The following TMPRSS12 variants were observed in gnomAD, a reference collection of about 807,000 sequenced individuals.
TMPRSS12 encodes transmembrane serine protease 12.
Under a neutral mutation model 26.0 loss-of-function variants are expected in TMPRSS12, and 25 were observed. That is an observed-to-expected ratio of 0.96 (90% CI 0.70 to 1.34). The LOEUF (loss-of-function observed/expected upper bound fraction) is 1.34. Ranked by LOEUF, TMPRSS12 falls within the 40% of genes most tolerant of loss-of-function variation. The pLI is 0.00. For missense variants in TMPRSS12, 441 were observed against 440.1 expected (o/e 1.00, Z -0.02); for synonymous variants, 150 against 161.7 (o/e 0.93, Z 0.55).
chr12:50,880,880 T>A (rs1938156466), intron 3 of TMPRSS12, among the ~76,000 whole-genome samples: 1 of 150,034 alleles, frequency 6.7e-6, no homozygotes, highest in African/African-American at 2.5e-5. Flanking sequence ...TGAAGGAAGC[T>A]ATATACAAAA....
At chr12:50,861,886 T>TG (rs1937939446) in intron 3 of TMPRSS12, among the ~76,000 whole-genome samples, 1 of 151,998 alleles carries the variant, frequency 6.6e-6, no homozygotes, top group South Asian at 2.1e-4. Context: ...CTCGGCTCAT[T>TG]GCAACCTTTG....
intron 3 of TMPRSS12, among the ~76,000 whole-genome samples, chr12:50,882,722 A>T (rs1249506580): frequency 1.3e-5 from 2 of 152,260 alleles, no homozygotes; most frequent in Non-Finnish European, 2.9e-5. Flanking sequence ...TGACCAAAGA[A>T]GAAATGGAAA....
intron 3 of TMPRSS12, among the ~76,000 whole-genome samples, chr12:50,884,441 G>A (rs1375221782): frequency 6.6e-6 from 1 of 152,150 alleles, no homozygotes; most frequent in Non-Finnish European, 1.5e-5. Context: ...CTATACACTA[G>A]CAGTAATTTT....
At chr12:50,881,939 C>G (rs1938167160) in intron 3 of TMPRSS12, among the ~76,000 whole-genome samples, 1 of 121,284 alleles carries the variant, frequency 8.2e-6, no homozygotes, top group African/African-American at 3.3e-5. Context: ...CCACTGCACT[C>G]CAGCCCAGGG....
intron 3 of TMPRSS12, among the ~76,000 whole-genome samples, chr12:50,873,710 C>T (rs995412649): frequency 5.3e-5 from 8 of 152,084 alleles, no homozygotes; most frequent in South Asian, 2.1e-4. Flanking sequence ...ACTGGGCAAG[C>T]GGATAAGTTT....
At chr12:50,872,483 G>A (rs1324960677) in intron 3 of TMPRSS12, among the ~76,000 whole-genome samples, 1 of 125,044 alleles carries the variant, frequency 8.0e-6, no homozygotes, top group Non-Finnish European at 1.6e-5. Context: ...ACTGCAGTCC[G>A]CAGTCTGGCC....
intron 2 of TMPRSS12, among the ~76,000 whole-genome samples, chr12:50,847,203 C>T (rs981326237): frequency 2.8e-4 from 42 of 151,874 alleles, no homozygotes; most frequent in African/African-American, 6.5e-4. Context: ...GGACTACAGG[C>T]GCCCCCCACC....
chr12:50,874,758 A>G (rs1343247431), intron 3 of TMPRSS12, among the ~76,000 whole-genome samples: 1 of 152,208 alleles, frequency 6.6e-6, no homozygotes, highest in Admixed American at 6.5e-5. Context: ...TAGCATTTCT[A>G]TACATCAATA....
At chr12:50,875,927 T>C (rs746881950) in intron 3 of TMPRSS12, among the ~76,000 whole-genome samples, 3 of 152,090 alleles carry the variant, frequency 2.0e-5, no homozygotes, top group Non-Finnish European at 2.9e-5. Context: ...CTGAAAAACC[T>C]CTGCACAGCA....
At position 50,887,322 on chromosome 12, in the gene TMPRSS12, G is replaced by A. The variant is rs919600249; in HGVS notation, c.856G>A (p.Gly286Arg). The A allele has an allele frequency of 6.2e-7, 1 of 1,613,842 alleles. No individual in the cohort carries two copies. Among genetic ancestry groups the A allele is most frequent in the Non-Finnish European group, 8.5e-7 (1 of 1,179,838 alleles). ...LPEYKRFFVM[G>R]ITSYGHGCGR... ...AGAATATAAAAGATTTTTTGTAATG[G>A]GAATTACCAGTTACGGACATGGCTG... The change falls in exon 5 of 5, where the codon GGA becomes AGA. Residue 286 changes from glycine (G) to arginine (R), a missense_variant. By Grantham distance (125) the Gly-to-Arg change is moderately radical. Coordinates refer to ENST00000398458, the MANE Select transcript of TMPRSS12 (RefSeq NM_182559.3).
chr12:50,861,972 G>C (rs918465831), intron 3 of TMPRSS12, among the ~76,000 whole-genome samples: 1 of 152,090 alleles, frequency 6.6e-6, no homozygotes, highest in Non-Finnish European at 1.5e-5. Context: ...ACCACACTCG[G>C]CTAATTTTTT....
intron 2 of TMPRSS12, among the ~76,000 whole-genome samples, chr12:50,851,063 C>T (rs1334062075): frequency 6.6e-6 from 1 of 152,218 alleles, no homozygotes; most frequent in Non-Finnish European, 1.5e-5. Context: ...ATCCAAAGGA[C>T]AGCAACTTCA....
intron 3 of TMPRSS12, among the ~76,000 whole-genome samples, chr12:50,882,914 A>G (rs1292885744): frequency 1.3e-5 from 2 of 152,252 alleles, no homozygotes; most frequent in African/African-American, 2.4e-5. Flanking sequence ...AGTGTATGAA[A>G]TAATCATATT....
At chr12:50,849,883 T>TCCCCCATA (rs1937809014) in intron 2 of TMPRSS12, among the ~76,000 whole-genome samples, 1 of 149,418 alleles carries the variant, frequency 6.7e-6, no homozygotes, top group South Asian at 2.1e-4. Flanking sequence ...CTCCAAAAAT[T>TCCCCCATA]CCCCCATACC....
At chr12:50,845,148 G>A (rs1937755965) in intron 2 of TMPRSS12, among the ~76,000 whole-genome samples, 2 of 151,964 alleles carry the variant, frequency 1.3e-5, no homozygotes, top group Admixed American at 1.3e-4. Context: ...CATCTCCATT[G>A]ACCCATAAAA....
At chr12:50,886,164 GA>G (rs1565938985) in intron 4 of TMPRSS12, 7 of 151,948 alleles carry the variant, frequency 4.6e-5, no homozygotes, top group Admixed American at 1.3e-4. Context: ...TTTTATCACT[GA>G]GTTATAAGCA....
At chr12:50,884,435 A>G (rs533839391) in intron 3 of TMPRSS12, among the ~76,000 whole-genome samples, 2 of 152,326 alleles carry the variant, frequency 1.3e-5, no homozygotes, top group East Asian at 3.9e-4. Context: ...CCATTTCTAT[A>G]CACTAGCAGT....
chr12:50,873,350 TAAA>T (rs1430898245), intron 3 of TMPRSS12, among the ~76,000 whole-genome samples: 6 of 151,630 alleles, frequency 4.0e-5, no homozygotes, highest in Non-Finnish European at 8.8e-5. Flanking sequence ...ATAAATAAAA[TAAA>T]AAAGAAAGCC....
chr12:50,886,851 A>G (rs1330771677), intron 4 of TMPRSS12: 2 of 158,686 alleles, frequency 1.3e-5, no homozygotes, highest in Admixed American at 1.3e-4. Flanking sequence ...GCCTAAAAGA[A>G]TCCTTCATAC....
Sources: allele counts gnomAD v4.1 joint callset (sites outside exome capture counted in the v4.1 genomes callset), GRCh38; gene constraint gnomAD v4.1.1; transcripts MANE v1.5; gene names NCBI Gene and HGNC (gene_info 2026-07-23, HGNC 2026-07-21).